The following SHLD1 variants were observed in gnomAD, a reference collection of about 807,000 sequenced individuals.
SHLD1 encodes RINN1-REV7-interacting novel NHEJ regulator 3.
In SHLD1, 3 loss-of-function variants were observed where a neutral mutation model predicts 5.5. That is an observed-to-expected ratio of 0.54 (90% CI 0.25 to 1.40). The LOEUF is 1.40. Ranked by LOEUF, SHLD1 falls within the 40% of genes most tolerant of loss-of-function variation. The pLI, the probability that SHLD1 is intolerant of heterozygous loss-of-function variation, is 0.15. For missense variants in SHLD1, 210 were observed against 244.4 expected, an observed-to-expected ratio of 0.86 and a Z score of 0.94; for synonymous variants, 92 against 94.3, an observed-to-expected ratio of 0.98 and a Z score of 0.14.
chr20:5,802,975 CTCTGGCTTCCA>C (rs1049229107), intron 2 of SHLD1, among the ~76,000 whole-genome samples: 4 of 152,192 alleles, frequency 2.6e-5, no homozygotes, highest in African/African-American at 7.2e-5. Flanking sequence ...TTCCATTTTG[CTCTGGCTTCCA>C]TCTGGCTTGA....
intron 2 of SHLD1, among the ~76,000 whole-genome samples, chr20:5,828,351 A>G (rs922199068): frequency 2.6e-5 from 4 of 152,114 alleles, no homozygotes; most frequent in African/African-American, 7.2e-5. Context: ...TGTTTGTTGA[A>G]TGAATAAATA....
intron 2 of SHLD1, among the ~76,000 whole-genome samples, chr20:5,817,422 CTCTCTCTCTCTGTGTG>C (rs1007942981): frequency 7.6e-5 from 10 of 131,706 alleles, no homozygotes; most frequent in African/African-American, 2.8e-4. Context: ...CTCTCTCTCT[CTCTCTCTCTCTGTGTG>C]TGTGTGTGTG....
intron 2 of SHLD1, among the ~76,000 whole-genome samples, chr20:5,795,841 C>T (rs777631711): frequency 6.6e-6 from 1 of 150,880 alleles, no homozygotes; most frequent in Admixed American, 6.6e-5. Context: ...AAAAATTAGC[C>T]GGGTTTGGTG....
At chr20:5,757,775 G>A (rs1292321492) in intron 1 of SHLD1, among the ~76,000 whole-genome samples, 1 of 151,962 alleles carries the variant, frequency 6.6e-6, no homozygotes, top group African/African-American at 2.4e-5. Context: ...GCTAATTTTT[G>A]TATTTTTAGT....
At chr20:5,844,793 A>AT (rs1167953728) in intron 2 of SHLD1, among the ~76,000 whole-genome samples, 1,317 of 96,024 alleles carry the variant, frequency 0.014, 24 homozygotes, top group African/African-American at 0.053. Context: ...ATATATATAT[A>AT]TATATATTTT....
intron 2 of SHLD1, among the ~76,000 whole-genome samples, chr20:5,776,718 G>A (rs374568042): frequency 1.1e-4 from 16 of 151,954 alleles, no homozygotes; most frequent in Admixed American, 6.6e-4. Context: ...AGCCAAGACC[G>A]CACCATTGCA....
At chr20:5,821,663 G>A (rs542531252) in intron 2 of SHLD1, among the ~76,000 whole-genome samples, 1 of 152,318 alleles carries the variant, frequency 6.6e-6, no homozygotes, top group South Asian at 2.1e-4. Flanking sequence ...AAATCCAGGA[G>A]GGGCTTAATA....
At chr20:5,800,207 G>A (rs1170312598) in intron 2 of SHLD1, among the ~76,000 whole-genome samples, 1 of 152,208 alleles carries the variant, frequency 6.6e-6, no homozygotes, top group African/African-American at 2.4e-5. Flanking sequence ...TAGTTTCAAG[G>A]CTGCCTGAGC....
intron 2 of SHLD1, among the ~76,000 whole-genome samples, chr20:5,817,432 C>CTCTCTCTCTCTGTGTG (rs1473391202): frequency 2.0e-4 from 17 of 85,666 alleles, no homozygotes; most frequent in South Asian, 1.5e-3. Context: ...CTCTCTCTCT[C>CTCTCTCTCTCTGTGTG]TGTGTGTGTG....
Position 5,806,006 on chromosome 20 carries a change from G to A in SHLD1, c.178+32963G>A, listed in dbSNP as rs539539010. 9.9e-5 allele frequency among the ~76,000 whole-genome samples: 15 copies of A among 152,204 alleles called. No individual in the cohort carries two copies. The highest frequency in any genetic ancestry group is 3.3e-4 in the Admixed American group (5 of 15,276). The stretch of plus-strand genomic sequence containing the variant: ...CCTTTGGGGTTTGAAGGGCATTATC[G>A]CTTTAAACATGTTTTTTGATTTAAA... On this transcript the variant is annotated intron_variant, in intron 2 of 2. Coordinates refer to ENST00000303142, the MANE Select transcript of SHLD1 (RefSeq NM_152504.4). The surrounding 1 kb of genome is among the most constrained non-coding windows in gnomAD (Gnocchi z 7.6).
intron 2 of SHLD1, among the ~76,000 whole-genome samples, chr20:5,830,693 A>G (rs2087719003): frequency 6.6e-6 from 1 of 151,860 alleles, no homozygotes; most frequent in Admixed American, 6.6e-5. Context: ...CGTCTTAAAA[A>G]AAAAAAAAAA....
chr20:5,851,555 G>C (rs892471619), intron 2 of SHLD1, among the ~76,000 whole-genome samples: 1 of 149,730 alleles, frequency 6.7e-6, no homozygotes, highest in African/African-American at 2.4e-5. Flanking sequence ...AATATTATGT[G>C]AGTAACATAG....
At chr20:5,851,022 A>G (rs2088001990) in intron 2 of SHLD1, among the ~76,000 whole-genome samples, 1 of 152,216 alleles carries the variant, frequency 6.6e-6, no homozygotes, top group South Asian at 2.1e-4. Flanking sequence ...AGGACAATAC[A>G]GCACACAGAC....
chr20:5,750,642 G>A (rs2122151142), intron 1 of SHLD1, among the ~76,000 whole-genome samples, 163 bp downstream of exon 1: 1 of 152,220 alleles, frequency 6.6e-6, no homozygotes, highest in African/African-American at 2.4e-5. Context: ...CACGGTGTCT[G>A]CAGCCTGTGC....
At chr20:5,839,852 G>A (rs181028673) in intron 2 of SHLD1, among the ~76,000 whole-genome samples, 10 of 152,258 alleles carry the variant, frequency 6.6e-5, no homozygotes, top group East Asian at 3.9e-4. Context: ...GGTGGTTATC[G>A]AAGCCTGGGA....
intron 1 of SHLD1, among the ~76,000 whole-genome samples, 173 bp downstream of exon 1, chr20:5,750,652 C>G (rs1983694623): frequency 6.6e-6 from 1 of 151,996 alleles, no homozygotes; most frequent in South Asian, 2.1e-4. Flanking sequence ...GCAGCCTGTG[C>G]TTTGGGGAAT....
intron 1 of SHLD1, among the ~76,000 whole-genome samples, chr20:5,764,840 A>C (rs1192754731): frequency 6.6e-6 from 1 of 152,116 alleles, no homozygotes; most frequent in Non-Finnish European, 1.5e-5. Context: ...TTCATGCAAA[A>C]TATTTGGAGG....
chr20:5,803,299 A>C (rs1276372944), intron 2 of SHLD1, among the ~76,000 whole-genome samples: 1 of 152,072 alleles, frequency 6.6e-6, no homozygotes, highest in Non-Finnish European at 1.5e-5. Flanking sequence ...GGTAGCTGGG[A>C]CTTGAGATGA....
intron 2 of SHLD1, among the ~76,000 whole-genome samples, chr20:5,786,344 AGACGG>A (rs2087058896): frequency 6.6e-6 from 1 of 152,212 alleles, no homozygotes; most frequent in African/African-American, 2.4e-5. Flanking sequence ...TGGGAAGCCG[AGACGG>A]GAGGTTCGCT....
Sources: gnomAD v4.1 joint callset for allele counts (sites outside exome capture counted in the v4.1 genomes callset) on GRCh38, gnomAD v4.1.1 for gene constraint, Gnocchi (gnomAD v3.1) non-coding constraint, MANE v1.5 for transcripts, NCBI Gene and HGNC (gene_info 2026-07-23, HGNC 2026-07-21) for gene names.